WASHC2A: variants seen among roughly 807,000 people sequenced by gnomAD.
The protein encoded by WASHC2A is WASH complex subunit 2A.
In WASHC2A, 82 loss-of-function variants were observed where a neutral mutation model predicts 140.3. The ratio of observed to expected loss-of-function variants is 0.58; its 90% CI spans 0.49 to 0.70. The LOEUF is 0.70. Ranked by LOEUF, WASHC2A falls within the 30% of genes least tolerant of loss-of-function variation. The probability of loss-of-function intolerance (pLI) is 0.00; values close to 1 mark genes in which losing one functional copy is unlikely to be tolerated. For missense variants in WASHC2A, 985 were observed against 1,521.8 expected (o/e 0.65, Z 5.87); for synonymous variants, 340 against 560.8 (o/e 0.61, Z 5.56).
At chr10:50,087,379 A>G (rs1839479423) in intron 8 of WASHC2A, 57 bp downstream of exon 8, 11 of 1,605,080 alleles carry the variant, frequency 6.9e-6, no homozygotes, top group Non-Finnish European at 9.4e-6. Context: ...AGCATAGTAT[A>G]TATACTAATA....
chr10:50,111,889 G>A (rs1408297563), intron 20 of WASHC2A, among the ~76,000 whole-genome samples: 2 of 152,164 alleles, frequency 1.3e-5, no homozygotes, highest in East Asian at 1.9e-4. Context: ...TGAGCTGGGC[G>A]TCATGTCACG....
At chr10:50,092,634 G>A (rs1226488197) in intron 11 of WASHC2A, among the ~76,000 whole-genome samples, 1 of 151,884 alleles carries the variant, frequency 6.6e-6, no homozygotes, top group Admixed American at 6.6e-5. Flanking sequence ...TCCAGCCCAG[G>A]TGATGGTGTG....
chr10:50,114,530 C>CA (rs1212563688), intron 21 of WASHC2A, among the ~76,000 whole-genome samples: 32,107 of 109,258 alleles, frequency 0.29, 4,789 homozygotes, highest in Admixed American at 0.39. Context: ...TACTGCAGGC[C>CA]AAAAAAAAAA....
At chr10:50,088,958 CTTTTTTT>C (rs1210204220) in intron 8 of WASHC2A, among the ~76,000 whole-genome samples, 5 of 41,386 alleles carry the variant, frequency 1.2e-4, no homozygotes, top group East Asian at 4.4e-4. Context: ...TTTTTCTTTC[CTTTTTTT>C]TTTTTTTTTT....
Position 50,103,681 on chromosome 10 carries a change from T to C in WASHC2A, c.1636-361T>C, listed in dbSNP as rs577817033. Among the ~76,000 whole-genome samples, 59 of 152,164 alleles carry C rather than the reference T, an allele frequency of 3.9e-4. 1 individual carries two copies. The South Asian group carries it at 5.4e-3, about 14-fold the overall frequency. Reference sequence around the variant, plus strand: ...TTTCTTTATTGACCCTGTCTAATCTTTGATTCTTTAGACGGTAATGGGAAG... The same window carrying C: ...TTTCTTTATTGACCCTGTCTAATCTCTGATTCTTTAGACGGTAATGGGAAG... On this transcript the variant is annotated intron_variant, in intron 17 of 30. Transcript: ENST00000282633.
chr10:50,084,830 G>A (rs1363030243), intron 6 of WASHC2A, among the ~76,000 whole-genome samples: 1 of 146,768 alleles, frequency 6.8e-6, no homozygotes, highest in African/African-American at 2.6e-5. Context: ...CCACCTCCTG[G>A]GTTCAAGCAA....
At chr10:50,092,581 C>T (rs1346434949) in intron 11 of WASHC2A, among the ~76,000 whole-genome samples, 2 of 151,898 alleles carry the variant, frequency 1.3e-5, no homozygotes, top group Non-Finnish European at 2.9e-5. Flanking sequence ...CACTTGAACC[C>T]GGGAGGCAGA....
intron 13 of WASHC2A, 108 bp from the exon 14 acceptor site, chr10:50,095,040 A>T: frequency 6.3e-7 from 1 of 1,587,798 alleles, no homozygotes; most frequent in Non-Finnish European, 8.6e-7. Context: ...AAGTGGTTTC[A>T]AAAGGTCTGA....
At chr10:50,107,631 A>G (rs1841913875) in intron 19 of WASHC2A, among the ~76,000 whole-genome samples, 1 of 152,108 alleles carries the variant, frequency 6.6e-6, no homozygotes, top group Non-Finnish European at 1.5e-5. Flanking sequence ...ATGTATTAAA[A>G]GCTTATGCGG....
At chr10:50,069,376 G>C in intron 2 of WASHC2A, 171 bp from the exon 3 acceptor site, 1 of 1,011,804 alleles carries the variant, frequency 9.9e-7, no homozygotes, top group Non-Finnish European at 1.3e-6. Flanking sequence ...CCGAGATGGC[G>C]CCATTGTACT....
chr10:50,109,954 T>G, intron 19 of WASHC2A, 147 bp from the exon 20 acceptor site: 1 of 1,118,820 alleles, frequency 8.9e-7, no homozygotes, highest in Non-Finnish European at 1.3e-6. Flanking sequence ...GTATTTTTAG[T>G]AGAGACGGGG....
intron 15 of WASHC2A, 118 bp from the exon 16 acceptor site, chr10:50,097,557 C>G (rs1267015922): frequency 6.4e-6 from 5 of 781,842 alleles, no homozygotes; most frequent in African/African-American, 1.8e-5. Context: ...TATAACTAAT[C>G]AAGAAACAAC....
chr10:50,094,433 G>C lies in WASHC2A; in HGVS notation c.1180+516G>C, dbSNP rs1394312988. 8.7e-4 allele frequency among the ~76,000 whole-genome samples: 131 copies of C among 150,032 alleles called. 1 individual carries two copies. The highest frequency in any genetic ancestry group is 2.9e-3 in the African/African-American group (118 of 40,798). ...ATCACCCGCCTAGACCTGGCAAAATGCTAGGAATACAGGCATGAGCCACTG... is the reference window on the plus strand; with the variant it reads ...ATCACCCGCCTAGACCTGGCAAAATCCTAGGAATACAGGCATGAGCCACTG... On this transcript the variant is annotated intron_variant, in intron 13 of 30. Transcript: ENST00000282633.
At chr10:50,125,645 C>CTAG (rs1843360448) in intron 25 of WASHC2A, among the ~76,000 whole-genome samples, 196 bp downstream of exon 25, 2 of 152,276 alleles carry the variant, frequency 1.3e-5, no homozygotes, top group South Asian at 4.1e-4. Context: ...ATTTTATGTT[C>CTAG]CCTATACTAA....
rs572173917 is a variant in WASHC2A, at chr10:50,099,534, G to A, written c.1549-444G>A. Among the ~76,000 whole-genome samples, 362 of 151,312 alleles carry A rather than the reference G, an allele frequency of 2.4e-3. 2 individuals carry two copies. Among genetic ancestry groups the A allele is most frequent in the African/African-American group, 7.9e-3 (326 of 41,016 alleles). On this transcript the variant is annotated intron_variant, in intron 16 of 30. Transcript: ENST00000282633. ...TTGGCCAGTGTGTGTGTCCCCAGCA[G>A]TCTTTAAGCCCTTCTGACTGCTTGA...
At chr10:50,095,398 CTTTT>C (rs1241825399) in intron 14 of WASHC2A, among the ~76,000 whole-genome samples, 191 bp downstream of exon 14, 1 of 152,136 alleles carries the variant, frequency 6.6e-6, no homozygotes, top group Non-Finnish European at 1.5e-5. Context: ...TGGCCTTGGA[CTTTT>C]TTGTGTTTGA....
intron 3 of WASHC2A, among the ~76,000 whole-genome samples, chr10:50,070,445 GA>G (rs1175712968): frequency 6.6e-5 from 10 of 152,120 alleles, no homozygotes; most frequent in Non-Finnish European, 1.0e-4. Flanking sequence ...TTCATTTGTG[GA>G]AAAAGGATTA....
intron 19 of WASHC2A, among the ~76,000 whole-genome samples, chr10:50,109,307 TGTG>T (rs1328998090): frequency 6.6e-6 from 1 of 152,212 alleles, no homozygotes; most frequent in Non-Finnish European, 1.5e-5. Context: ...CATTCAGACT[TGTG>T]GTAAAAGGAT....
At position 50,086,595 on chromosome 10, in the gene WASHC2A, C is replaced by G. The variant is rs1361602622; in HGVS notation, c.685-680C>G. Among the ~76,000 whole-genome samples the G allele has an allele frequency of 8.7e-5, 10 of 115,192 alleles. No homozygotes were observed. In the South Asian group the frequency reaches 2.7e-3, roughly 31 times the overall value. The allele number at this position is 115,192 out of a possible 152,430, so 75.6% of individuals were successfully genotyped here. On this transcript the variant is annotated intron_variant, in intron 7 of 30. Transcript: ENST00000282633. ...TATCTCCCAATGCTATCCCTCCCCC[C>G]TCCCCCCACCCCACCACAGTCCCCA...
Sources: gnomAD v4.1 joint callset for allele counts (sites outside exome capture counted in the v4.1 genomes callset) on GRCh38, gnomAD v4.1.1 for gene constraint, MANE v1.5 for transcripts, NCBI Gene and HGNC (gene_info 2026-07-23, HGNC 2026-07-21) for gene names.